Variants in DLGAP3 observed in about 807,000 individuals in gnomAD.
The protein encoded by DLGAP3 is disks large-associated protein 3.
In DLGAP3, 17 loss-of-function variants were observed where a neutral mutation model predicts 81.2. The ratio of observed to expected loss-of-function variants is 0.21; its 90% CI spans 0.14 to 0.31. DLGAP3 has a LOEUF of 0.31. Ranked by LOEUF, DLGAP3 falls within the 10% of genes least tolerant of loss-of-function variation. The pLI, the probability that DLGAP3 is intolerant of heterozygous loss-of-function variation, is 1.00. For synonymous variants in DLGAP3, 577 were observed against 587.4 expected (o/e 0.98, Z 0.26); for missense variants, 1,124 against 1,388.0 (o/e 0.81, Z 3.02).
intron 1 of DLGAP3, among the ~76,000 whole-genome samples, chr1:34,922,686 T>C (rs1401479600): frequency 6.6e-6 from 1 of 152,216 alleles, no homozygotes; most frequent in African/African-American, 2.4e-5. Context: ...TACTCACATA[T>C]ACTTATGTAC....
At chr1:34,908,517 A>T (rs1569651641) in intron 1 of DLGAP3, among the ~76,000 whole-genome samples, 1 of 145,012 alleles carries the variant, frequency 6.9e-6, no homozygotes, top group African/African-American at 2.9e-5. Flanking sequence ...TGGGAATAGG[A>T]GAGAGAAAAT....
rs1344954262 is a variant in DLGAP3, at chr1:34,873,131, G to C, written c.2001-4042C>G. 6.6e-6 allele frequency among the ~76,000 whole-genome samples: 1 copy of C among 152,232 alleles called. No homozygotes were observed. Among genetic ancestry groups the C allele is most frequent in the Admixed American group, 6.5e-5 (1 of 15,284 alleles). On this transcript the variant is annotated intron_variant, in intron 8 of 11. Coordinates refer to ENST00000373347, the MANE Select transcript of DLGAP3 (RefSeq NM_001080418.3). The surrounding 1 kb of genome is among the most constrained non-coding windows in gnomAD (Gnocchi z 4.2). ...ACAGTCCCACTCTATGGATGTTAGTGTCAGCCCTACTTGTAGATCAGAAAA... is the reference window on the plus strand; with the variant it reads ...ACAGTCCCACTCTATGGATGTTAGTCTCAGCCCTACTTGTAGATCAGAAAA...
In DLGAP3 at chr1:34,867,103, T is replaced by C. The variant is rs746332833; in HGVS notation, c.2666A>G (p.Lys889Arg). Reference protein sequence around the residue: ...LQLSIEDVTLKFLELQQLKAN... With the variant: ...LQLSIEDVTLRFLELQQLKAN... ...CTTGAGTTGCTGTAGCTCCAGGAAC[T>C]TGAGGGTCACATCCTCGATGGAGAG... Residue 889 changes from lysine to arginine, a missense_variant, in exon 11 of 12, where the codon AAG becomes AGG. Transcript: ENST00000373347. The surrounding 1 kb of genome is among the most constrained non-coding windows in gnomAD (Gnocchi z 4.3). 7 of 1,614,026 alleles carry C rather than the reference T, an allele frequency of 4.3e-6. No homozygotes were observed. In the Middle Eastern group the frequency reaches 4.9e-4, roughly 114 times the overall value.
rs778927025 is a variant in DLGAP3 at position 34,866,062 on chromosome 1, G to A, written c.*21C>T. On this transcript the variant is annotated 3_prime_UTR_variant, in exon 12 of 12. Coordinates refer to ENST00000373347, the MANE Select transcript of DLGAP3 (RefSeq NM_001080418.3). Reference sequence around the variant, plus strand: ...GGGTGGAGAACCGCGGGCCCGGGCCGGGCTGGGCGGGCCGGACCGGTCACA... The same window carrying A: ...GGGTGGAGAACCGCGGGCCCGGGCCAGGCTGGGCGGGCCGGACCGGTCACA... The A allele has an allele frequency of 1.3e-6, 2 of 1,584,242 alleles. No individual in the cohort carries two copies. Among genetic ancestry groups the A allele is most frequent in the South Asian group, 1.1e-5 (1 of 89,660 alleles).
chr1:34,928,016 AAC>A (rs1167193251), intron 1 of DLGAP3, among the ~76,000 whole-genome samples: 1 of 152,344 alleles, frequency 6.6e-6, no homozygotes, highest in East Asian at 1.9e-4. Context: ...GTTAAATAAA[AAC>A]AGTTGAATAT....
rs1029560135 is a variant in DLGAP3 at position 34,868,136 on chromosome 1, A to G, written c.2485+469T>C. On this transcript the variant is annotated intron_variant, in intron 9 of 11. Transcript: ENST00000373347. The surrounding 1 kb of genome is among the most constrained non-coding windows in gnomAD (Gnocchi z 7.5). ...CTCCCAGTGGATCTGACTTACAGGAAGGGCCATGCTCTCCCTCGGGCCAGG... is the reference window on the plus strand; with the variant it reads ...CTCCCAGTGGATCTGACTTACAGGAGGGGCCATGCTCTCCCTCGGGCCAGG... Among the ~76,000 whole-genome samples, 1 of 152,138 alleles carries G rather than the reference A, an allele frequency of 6.6e-6. No individual in the cohort carries two copies. The highest frequency in any genetic ancestry group is 2.4e-5 in the African/African-American group (1 of 41,432).
intron 5 of DLGAP3, among the ~76,000 whole-genome samples, chr1:34,887,094 A>T (rs1478135691): frequency 6.6e-6 from 1 of 151,786 alleles, no homozygotes; most frequent in Non-Finnish European, 1.5e-5. Flanking sequence ...AGCTGGGACT[A>T]CAGGTGCCTG....
At chr1:34,905,534 C>T in intron 2 of DLGAP3, 100 bp from the exon 3 acceptor site, 3 of 811,506 alleles carry the variant, frequency 3.7e-6, no homozygotes, top group Non-Finnish European at 5.6e-6. Context: ...TAATACATAT[C>T]AATTTATTAT....
At position 34,880,946 on chromosome 1, in the gene DLGAP3, C is replaced by A. The variant is rs138356997; in HGVS notation, c.2000+4032G>T. On this transcript the variant is annotated intron_variant, in intron 8 of 11. Transcript: ENST00000373347. ...TCTCCTATCCCCAAAAGGCATCAGG[C>A]ATAGATAATTTTATAGGCAACCTTT... is the stretch of plus-strand genomic sequence containing the variant. Among the ~76,000 whole-genome samples the A allele has an allele frequency of 8.8e-3, 1,332 of 152,196 alleles. 11 individuals carry two copies. Among genetic ancestry groups the A allele is most frequent in the Non-Finnish European group, 0.014 (960 of 68,018 alleles).
At chr1:34,871,097 TG>T (rs1230889919) in intron 8 of DLGAP3, among the ~76,000 whole-genome samples, 1 of 152,188 alleles carries the variant, frequency 6.6e-6, no homozygotes, top group Non-Finnish European at 1.5e-5. Context: ...CACCCAAGAC[TG>T]GAATAGTCTT....
intron 8 of DLGAP3, among the ~76,000 whole-genome samples, chr1:34,871,788 C>A (rs1002644345): frequency 6.6e-6 from 1 of 152,146 alleles, no homozygotes. Context: ...CCCATTCCAT[C>A]GCGATGGAAA....
In DLGAP3 at chr1:34,909,231, T is replaced by G. The variant is rs531254957; in HGVS notation, c.-134-1794A>C. On this transcript the variant is annotated intron_variant, in intron 1 of 11. Transcript: ENST00000373347. ...CTGCTCAGCTTTCATCAAGATCCTA[T>G]GAAACTTCAGCCCCTCTGGCATCAA... Among the ~76,000 whole-genome samples, 3 of 152,332 alleles carry G rather than the reference T, an allele frequency of 2.0e-5. No homozygotes were observed. The South Asian group carries it at 6.2e-4, about 32-fold the overall frequency.
At chr1:34,908,808 C>A (rs1451076710) in intron 1 of DLGAP3, among the ~76,000 whole-genome samples, 1 of 152,200 alleles carries the variant, frequency 6.6e-6, no homozygotes, top group Non-Finnish European at 1.5e-5. Context: ...CTGTTGGTTA[C>A]CCTGCCCAAA....
intron 1 of DLGAP3, among the ~76,000 whole-genome samples, chr1:34,915,361 G>C (rs1395618181): frequency 6.6e-6 from 1 of 152,120 alleles, no homozygotes; most frequent in East Asian, 1.9e-4. Flanking sequence ...TAGCTTCCAG[G>C]ATGCTCTACA....
chr1:34,908,579 T>C (rs1319268302), intron 1 of DLGAP3, among the ~76,000 whole-genome samples: 2 of 152,186 alleles, frequency 1.3e-5, no homozygotes, highest in African/African-American at 4.8e-5. Flanking sequence ...GGAAGACTAA[T>C]GATGTCATTA....
At chr1:34,928,607 C>G (rs560382276) in intron 1 of DLGAP3, among the ~76,000 whole-genome samples, 1 of 152,292 alleles carries the variant, frequency 6.6e-6, no homozygotes, top group African/African-American at 2.4e-5. Context: ...TCTCATCTCC[C>G]TGTCCCATAT....
intron 1 of DLGAP3, among the ~76,000 whole-genome samples, chr1:34,925,189 C>T (rs950390574): frequency 2.6e-5 from 4 of 151,922 alleles, no homozygotes; most frequent in East Asian, 1.9e-4. Flanking sequence ...GACAACCCCC[C>T]CCCCACCTTC....
At chr1:34,918,846 C>A (rs555377649) in intron 1 of DLGAP3, among the ~76,000 whole-genome samples, 8 of 152,286 alleles carry the variant, frequency 5.3e-5, no homozygotes, top group Admixed American at 3.9e-4. Flanking sequence ...GCTGGAACAC[C>A]AGCCCCACCC....
intron 5 of DLGAP3, among the ~76,000 whole-genome samples, chr1:34,893,323 C>T (rs1162776447): frequency 1.3e-5 from 2 of 152,136 alleles, no homozygotes; most frequent in South Asian, 4.1e-4. Context: ...AAAAACATTT[C>T]CAGATAAATG....
Sources: allele counts gnomAD v4.1 joint callset (sites outside exome capture counted in the v4.1 genomes callset), GRCh38; gene constraint gnomAD v4.1.1; non-coding constraint Gnocchi (gnomAD v3.1); transcripts MANE v1.5; gene names NCBI Gene and HGNC (gene_info 2026-07-23, HGNC 2026-07-21).